TRPC3: variants seen among roughly 807,000 people sequenced by gnomAD.
TRPC3 encodes the protein transient receptor potential cation channel subfamily C member 3.
A neutral mutation model predicts 90.9 loss-of-function variants in TRPC3; 54 were observed. That is an observed-to-expected ratio of 0.59 (90% CI 0.48 to 0.75). The LOEUF is 0.75. Ranked by LOEUF, TRPC3 falls within the 30% of genes least tolerant of loss-of-function variation. The pLI, the probability that TRPC3 is intolerant of heterozygous loss-of-function variation, is 0.00. For synonymous variants in TRPC3, 424 were observed against 450.9 expected (o/e 0.94, Z 0.75); for missense variants, 918 against 1,194.5 (o/e 0.77, Z 3.41).
At chr4:121,884,552 C>T (rs576949322) in intron 10 of TRPC3, among the ~76,000 whole-genome samples, 3 of 151,856 alleles carry the variant, frequency 2.0e-5, no homozygotes, top group East Asian at 1.9e-4. Context: ...GCAGACATAG[C>T]GAGAGTAGAA....
rs555096330 is a variant in TRPC3 at position 121,878,295 on chromosome 4, A to C, written c.*1441T>G. The stretch of plus-strand genomic sequence containing the variant: ...TCTTTAAAGAGCTTTATGTAGTTCC[A>C]TTTAACACTTATTTCTGTCTTCATG... On this transcript the variant is annotated 3_prime_UTR_variant, in exon 12 of 12. Coordinates refer to ENST00000379645, the MANE Select transcript of TRPC3 (RefSeq NM_001130698.2). 5.3e-5 allele frequency among the ~76,000 whole-genome samples: 8 copies of C among 152,354 alleles called. No individual in the cohort carries two copies. The South Asian group carries it at 1.4e-3, about 28-fold the overall frequency.
rs1728636672 is a variant in TRPC3 at position 121,899,633 on chromosome 4, G to A, written c.2526C>T (p.Leu842=). 6 of 1,613,496 alleles carry A rather than the reference G, an allele frequency of 3.7e-6. No homozygotes were observed. Among genetic ancestry groups the A allele is most frequent in the Non-Finnish European group, 5.1e-6 (6 of 1,179,666 alleles). ...TTACCTGATAACGTGTTGGCTGATTGAGAATGCTGTTAAAACTGTGTGATT... is the reference window on the plus strand; with the variant it reads ...TTACCTGATAACGTGTTGGCTGATTAAGAATGCTGTTAAAACTGTGTGATT... The part of the protein sequence containing the change: ...VFESHSFNSI[L]NQPTRYQQIM... The change falls in exon 10 of 12, where the codon CTC becomes CTT. Residue 842 remains leucine (L), a synonymous_variant. Transcript: ENST00000379645.
chr4:121,919,668 C>T (rs746442791), intron 3 of TRPC3, among the ~76,000 whole-genome samples: 10 of 152,168 alleles, frequency 6.6e-5, no homozygotes, highest in Non-Finnish European at 1.3e-4. Context: ...ACTTTTTGCA[C>T]AGAAAGTGGA....
chr4:121,911,773 G>A, intron 5 of TRPC3, 104 bp downstream of exon 5: 1 of 1,151,746 alleles, frequency 8.7e-7, no homozygotes, highest in Non-Finnish European at 1.2e-6. Context: ...CAGTGATGTT[G>A]TCACCATATA....
intron 10 of TRPC3, among the ~76,000 whole-genome samples, chr4:121,885,680 T>C (rs942964664): frequency 2.0e-5 from 3 of 152,200 alleles, no homozygotes; most frequent in African/African-American, 7.2e-5. Flanking sequence ...ATGAAACTCA[T>C]ATGTAACAAG....
chr4:121,888,188 G>A (rs571802821), intron 10 of TRPC3, among the ~76,000 whole-genome samples: 36 of 152,044 alleles, frequency 2.4e-4, no homozygotes, highest in Non-Finnish European at 4.6e-4. Context: ...AAACTCTTCC[G>A]CTGTGGCCCC....
Position 121,879,408 on chromosome 4 carries a change from C to T in TRPC3, c.*328G>A. 1 of 257,840 alleles carries T rather than the reference C, an allele frequency of 3.9e-6. No homozygotes were observed. Among genetic ancestry groups the T allele is most frequent in the Non-Finnish European group, 7.3e-6 (1 of 136,336 alleles). 16.0% of individuals were successfully genotyped at this position (257,840 alleles called of 1,614,324 possible). A position where few individuals can be genotyped will look rare whatever the true frequency, so the allele number is the denominator to read the frequency against. The stretch of plus-strand genomic sequence containing the variant: ...GACACAAAGATGAATAAGACATGGT[C>T]CCTGTCCCCAAGGAACTGATAGTCT... On this transcript the variant is annotated 3_prime_UTR_variant, in exon 12 of 12. Coordinates refer to ENST00000379645, the MANE Select transcript of TRPC3 (RefSeq NM_001130698.2).
chr4:121,912,514 C>T (rs1447972071), intron 4 of TRPC3, among the ~76,000 whole-genome samples: 1 of 152,054 alleles, frequency 6.6e-6, no homozygotes, highest in Non-Finnish European at 1.5e-5. Flanking sequence ...CTTATAGACT[C>T]ATATAAGACC....
At chr4:121,895,692 A>T (rs1410986434) in intron 10 of TRPC3, among the ~76,000 whole-genome samples, 3 of 152,108 alleles carry the variant, frequency 2.0e-5, no homozygotes. Context: ...AAATGAGTGC[A>T]TAAAACATCT....
intron 9 of TRPC3, 22 bp from the exon 10 acceptor site, chr4:121,899,717 C>T (rs200276316): frequency 1.3e-5 from 20 of 1,526,702 alleles, no homozygotes; most frequent in Admixed American, 1.7e-5. Flanking sequence ...TACAATTAAC[C>T]TAGTAAATTA....
chr4:121,877,518 A>G lies in TRPC3; in HGVS notation c.*2218T>C, dbSNP rs915390961. 6.6e-6 allele frequency among the ~76,000 whole-genome samples: 1 copy of G among 152,088 alleles called. No homozygotes were observed. Among genetic ancestry groups the G allele is most frequent in the Non-Finnish European group, 1.5e-5 (1 of 68,018 alleles). The stretch of plus-strand genomic sequence containing the variant: ...GGCTTCTTCTTTTTAGCTGAGGGCA[A>G]TTCTCCAGGGGAAGTGATTGGCTAG... On this transcript the variant is annotated 3_prime_UTR_variant, in exon 12 of 12. Coordinates refer to ENST00000379645, the MANE Select transcript of TRPC3 (RefSeq NM_001130698.2).
chr4:121,936,642 T>C (rs370455289), intron 1 of TRPC3, among the ~76,000 whole-genome samples: 4 of 152,166 alleles, frequency 2.6e-5, no homozygotes, highest in African/African-American at 7.2e-5. Context: ...TTTGAAATCA[T>C]AGGATCATAA....
intron 6 of TRPC3, 41 bp downstream of exon 6, chr4:121,910,113 C>A (rs1396739649): frequency 1.3e-6 from 2 of 1,563,262 alleles, no homozygotes; most frequent in East Asian, 2.2e-5. Context: ...GTTCCAATAC[C>A]TTTCCCAAAA....
At chr4:121,927,540 A>T (rs1729762072) in intron 2 of TRPC3, among the ~76,000 whole-genome samples, 1 of 152,240 alleles carries the variant, frequency 6.6e-6, no homozygotes, top group Non-Finnish European at 1.5e-5. Context: ...CAGCAGAATT[A>T]CTGGGCTTCC....
intron 10 of TRPC3, among the ~76,000 whole-genome samples, chr4:121,890,277 C>T (rs1319272449): frequency 6.6e-6 from 1 of 151,990 alleles, no homozygotes; most frequent in African/African-American, 2.4e-5. Flanking sequence ...TAGTTAACAA[C>T]ATTGTATTGT....
rs765544552 is a variant in TRPC3 at position 121,932,958 on chromosome 4, G to A, written c.300C>T (p.Phe100=). 1 of 1,613,498 alleles carries A rather than the reference G, an allele frequency of 6.2e-7. No homozygotes were observed. Among genetic ancestry groups the A allele is most frequent in the East Asian group, 2.2e-5 (1 of 44,874 alleles). Reference sequence around the variant, plus strand: ...GGCTGGTGCCGCGGTCATTGAACATGAAGGCCGGGCCCCTGACAGCCTGGC... The same window carrying A: ...GGCTGGTGCCGCGGTCATTGAACATAAAGGCCGGGCCCCTGACAGCCTGGC... ...GRRQAVRGPA[F]MFNDRGTSLT... Residue 100 remains phenylalanine (F), a synonymous_variant, in exon 2 of 12, where the codon TTC becomes TTT. Coordinates refer to ENST00000379645, the MANE Select transcript of TRPC3 (RefSeq NM_001130698.2). This position sits in a 1 kb window ranked among gnomAD's most constrained non-coding sequence, Gnocchi z 7.7.
rs558941332 is a variant in TRPC3 at position 121,907,185 on chromosome 4, G to T, written c.2057+118C>A. The T allele has an allele frequency of 3.1e-5, 30 of 981,388 alleles. No homozygotes were observed. In the African/African-American group the frequency reaches 3.4e-4, roughly 11 times the overall value. The allele number at this position is 981,388 out of a possible 1,614,324, so 60.8% of individuals were successfully genotyped here. On this transcript the variant is annotated intron_variant, in intron 7 of 11. Transcript: ENST00000379645. ...ACACAAGCACTAACTGTTTTTGATG[G>T]ATTATTTTCTGTGCTTAAAAACATC...
chr4:121,878,815 T>C lies in TRPC3; in HGVS notation c.*921A>G, dbSNP rs1230574134. On this transcript the variant is annotated 3_prime_UTR_variant, in exon 12 of 12. Transcript: ENST00000379645. ...CGCCCATAGTCACTGCTCTTTCCTA[T>C]TTCTTCCCATGAGCAGACCCTCCAA... is the stretch of plus-strand genomic sequence containing the variant. Among the ~76,000 whole-genome samples the C allele has an allele frequency of 6.6e-6, 1 of 152,126 alleles. No homozygotes were observed. The highest frequency in any genetic ancestry group is 1.5e-5 in the Non-Finnish European group (1 of 68,028).
intron 1 of TRPC3, among the ~76,000 whole-genome samples, chr4:121,943,508 T>A (rs1028863952): frequency 2.6e-5 from 4 of 152,158 alleles, no homozygotes; most frequent in Non-Finnish European, 5.9e-5. Context: ...AATAATTAAT[T>A]AGTAATTAAA....
Sources: gnomAD v4.1 joint callset for allele counts (sites outside exome capture counted in the v4.1 genomes callset) on GRCh38, gnomAD v4.1.1 for gene constraint, Gnocchi (gnomAD v3.1) non-coding constraint, MANE v1.5 for transcripts, NCBI Gene and HGNC (gene_info 2026-07-23, HGNC 2026-07-21) for gene names.